Variants in IL1RAPL2 observed in about 807,000 individuals in gnomAD.
IL1RAPL2 encodes the protein X-linked interleukin-1 receptor accessory protein-like 2.
A neutral mutation model predicts 44.1 loss-of-function variants in IL1RAPL2; 3 were observed. The observed-to-expected ratio is 0.07, with a 90% CI of 0.03 to 0.18. IL1RAPL2 has a LOEUF of 0.18. Among genes scored for constraint, IL1RAPL2 ranks in the 10% least tolerant of loss-of-function variants. The pLI, the probability that IL1RAPL2 is intolerant of heterozygous loss-of-function variation, is 1.00. For synonymous variants in IL1RAPL2, 181 were observed against 178.8 expected (o/e 1.01, Z -0.10); for missense variants, 391 against 496.4 (o/e 0.79, Z 2.02).
chrX:105,731,118 A>G (rs944706416), intron 7 of IL1RAPL2, among the ~76,000 whole-genome samples: 1 of 111,127 alleles, frequency 9.0e-6, no homozygotes, highest in African/African-American at 3.3e-5. Flanking sequence ...AATTTGATAA[A>G]CCACTAGCTA....
intron 2 of IL1RAPL2, among the ~76,000 whole-genome samples, chrX:105,168,414 G>GGTGTGTGTGTGTGT (rs57882187): frequency 1.1e-5 from 1 of 89,358 alleles, no homozygotes; most frequent in African/African-American, 4.7e-5. Flanking sequence ...AACCATAGGA[G>GGTGTGTGTGTGTGT]GTGTGTGTGT....
At position 105,052,706 on chromosome X, in the gene IL1RAPL2, CT is replaced by C. The variant is rs371816795; in HGVS notation, c.83-142758del. Among the ~76,000 whole-genome samples the C allele has an allele frequency of 6.3e-3, 652 of 103,316 alleles. 7 individuals are homozygous for C. The highest frequency in any genetic ancestry group is 0.02 in the African/African-American group (569 of 28,631). 89.7% of individuals were successfully genotyped at this position (103,316 alleles called of 115,157 possible). Reference sequence around the variant, plus strand: ...TAAATCCCTTGGATTTCAGCTGTTTCTTTTTTTTTTTCTTTTTTTAACTTTA... The same window carrying C: ...TAAATCCCTTGGATTTCAGCTGTTTCTTTTTTTTTTCTTTTTTTAACTTTA... On this transcript the variant is annotated intron_variant, in intron 2 of 10. Coordinates refer to ENST00000372582, the MANE Select transcript of IL1RAPL2 (RefSeq NM_017416.2).
chrX:104,674,546 G>T (rs1930699727), intron 2 of IL1RAPL2, among the ~76,000 whole-genome samples: 1 of 111,743 alleles, frequency 8.9e-6, no homozygotes, highest in Non-Finnish European at 1.9e-5. Flanking sequence ...AAGGATATTG[G>T]TCTAAAATTC....
intron 1 of IL1RAPL2, among the ~76,000 whole-genome samples, chrX:104,624,376 C>T (rs1284205881): frequency 9.1e-6 from 1 of 110,079 alleles, no homozygotes; most frequent in African/African-American, 3.3e-5. Flanking sequence ...ATCTGAACAC[C>T]TGAATGAAAA....
At chrX:104,676,819 A>G (rs1438592278) in intron 2 of IL1RAPL2, among the ~76,000 whole-genome samples, 4 of 110,828 alleles carry the variant, frequency 3.6e-5, no homozygotes, top group Admixed American at 2.9e-4. Context: ...TTTTTTCTCT[A>G]AACTTCTCTT....
In IL1RAPL2 at chrX:105,762,331, G is replaced by C. The variant is rs191337850; in HGVS notation, c.1364-4633G>C. On this transcript the variant is annotated intron_variant, in intron 10 of 10. Transcript: ENST00000372582. ...ACTTTCTTTGCTTTTTACAAATACT[G>C]GTGCTACTGGCATGATGTTTTTTTC... Among the ~76,000 whole-genome samples, 15 of 111,377 alleles carry C rather than the reference G, an allele frequency of 1.3e-4. No individual in the cohort carries two copies. In the Admixed American group the frequency reaches 1.4e-3, roughly 11 times the overall value.
At chrX:105,230,860 T>A (rs1004131125) in intron 3 of IL1RAPL2, among the ~76,000 whole-genome samples, 3 of 111,649 alleles carry the variant, frequency 2.7e-5, no homozygotes, top group African/African-American at 9.8e-5. Flanking sequence ...AGGCTTAGTT[T>A]AAAGATGATG....
intron 6 of IL1RAPL2, among the ~76,000 whole-genome samples, chrX:105,533,146 T>C (rs1200445519): frequency 1.8e-5 from 2 of 110,901 alleles, no homozygotes; most frequent in Non-Finnish European, 3.8e-5. Flanking sequence ...GCAGAGAGCA[T>C]GCCACTGCAC....
At chrX:104,859,137 C>T (rs996804583) in intron 2 of IL1RAPL2, among the ~76,000 whole-genome samples, 3 of 111,168 alleles carry the variant, frequency 2.7e-5, no homozygotes, top group African/African-American at 9.8e-5. Context: ...TTTTCACCAC[C>T]TTGAATACTA....
At chrX:104,807,056 G>A (rs1251443270) in intron 2 of IL1RAPL2, among the ~76,000 whole-genome samples, 5 of 110,922 alleles carry the variant, frequency 4.5e-5, no homozygotes, top group Non-Finnish European at 7.6e-5. Context: ...GGTATGAATA[G>A]CAGCAGATAG....
chrX:105,066,099 A>C (rs760280412), intron 2 of IL1RAPL2, among the ~76,000 whole-genome samples: 2 of 111,250 alleles, frequency 1.8e-5, no homozygotes, highest in Non-Finnish European at 3.8e-5. Context: ...GCTGAACCTC[A>C]TTGGCTCAGA....
intron 2 of IL1RAPL2, among the ~76,000 whole-genome samples, chrX:104,866,485 A>G (rs1304945167): frequency 8.9e-6 from 1 of 112,216 alleles, no homozygotes; most frequent in African/African-American, 3.2e-5. Context: ...TCTTTTTGTA[A>G]ATAAAGTTTT....
At chrX:105,113,228 C>A (rs367897051) in intron 2 of IL1RAPL2, among the ~76,000 whole-genome samples, 2 of 112,463 alleles carry the variant, frequency 1.8e-5, no homozygotes, top group African/African-American at 3.2e-5. Context: ...GCACAGCTAT[C>A]CCCCTGGGGA....
intron 2 of IL1RAPL2, among the ~76,000 whole-genome samples, chrX:105,164,544 A>G (rs763734977): frequency 5.5e-4 from 62 of 112,551 alleles, no homozygotes; most frequent in Admixed American, 3.6e-3. Context: ...GCTATTAAGC[A>G]AAAGGAACAG....
intron 2 of IL1RAPL2, among the ~76,000 whole-genome samples, chrX:104,858,489 C>G (rs1301572752): frequency 8.9e-6 from 1 of 111,736 alleles, no homozygotes; most frequent in Admixed American, 9.5e-5. Context: ...AACTTGTAAA[C>G]AAATTCTAAA....
intron 7 of IL1RAPL2, among the ~76,000 whole-genome samples, chrX:105,737,257 C>A (rs2038458117): frequency 9.0e-6 from 1 of 110,719 alleles, no homozygotes; most frequent in Non-Finnish European, 1.9e-5. Context: ...CAGGAGGGTA[C>A]TATGCTTATT....
intron 6 of IL1RAPL2, among the ~76,000 whole-genome samples, chrX:105,665,456 C>T (rs1234274738): frequency 9.1e-6 from 1 of 110,252 alleles, no homozygotes; most frequent in East Asian, 2.9e-4. Flanking sequence ...AGACAACTTA[C>T]AGGAGAAAAC....
chrX:105,182,856 C>A (rs1276967048), intron 2 of IL1RAPL2, among the ~76,000 whole-genome samples: 1 of 111,102 alleles, frequency 9.0e-6, no homozygotes, highest in East Asian at 2.9e-4. Flanking sequence ...ACTTGGACTC[C>A]CTGGCAGCAC....
chrX:104,995,870 C>A (rs2030739018), intron 2 of IL1RAPL2, among the ~76,000 whole-genome samples: 1 of 111,572 alleles, frequency 9.0e-6, no homozygotes, highest in Admixed American at 9.6e-5. Flanking sequence ...TCTCTAGCAA[C>A]CTGCAGGGTT....
Sources: gnomAD v4.1 joint callset for allele counts (sites outside exome capture counted in the v4.1 genomes callset) on GRCh38, gnomAD v4.1.1 for gene constraint, MANE v1.5 for transcripts, NCBI Gene and HGNC (gene_info 2026-07-23, HGNC 2026-07-21) for gene names.